TLE3: variants seen among roughly 807,000 people sequenced by gnomAD.
TLE3 encodes the protein transducin-like enhancer protein 3.
A neutral mutation model predicts 93.0 loss-of-function variants in TLE3; 14 were observed. The ratio of observed to expected loss-of-function variants is 0.15; its 90% confidence interval spans 0.10 to 0.24. TLE3 has a LOEUF of 0.24. TLE3 is among the 10% of genes least tolerant of loss of function. The pLI is 1.00. For missense variants in TLE3, 693 were observed against 1,046.6 expected (o/e 0.66, Z 4.66); for synonymous variants, 451 against 425.0 (o/e 1.06, Z -0.75).
At chr15:70,054,383 G>A in intron 16 of TLE3, 55 bp downstream of exon 16, 1 of 1,573,276 alleles carries the variant, frequency 6.4e-7, no homozygotes, top group Non-Finnish European at 8.6e-7. Context: ...GACCAGGCAG[G>A]ATGGGTAAAA....
intron 5 of TLE3, 38 bp from the exon 6 acceptor site, chr15:70,074,645 T>G: frequency 6.4e-7 from 1 of 1,563,678 alleles, no homozygotes; most frequent in Non-Finnish European, 8.7e-7. Flanking sequence ...GCAGCCACTT[T>G]CCTGGACAGA....
In TLE3 at chr15:70,049,434, A is replaced by C. The variant is rs2055327124; in HGVS notation, c.*663T>G. On this transcript the variant is annotated 3_prime_UTR_variant, in exon 20 of 20. Coordinates refer to ENST00000451782, the MANE Select transcript of TLE3 (RefSeq NM_001105192.3). ...TACGGCCAACCTGGTTGCCTTTTCC[A>C]CACTCTAAGACTTTTCTCCTCTTTC... 6.7e-6 allele frequency: 1 copy of C among 149,734 alleles called. No individual in the cohort carries two copies. The highest frequency in any genetic ancestry group is 1.5e-5 in the Non-Finnish European group (1 of 67,808). 9.3% of individuals were successfully genotyped at this position (149,734 alleles called of 1,614,324 possible). A position where few individuals can be genotyped will look rare whatever the true frequency, so the allele number is the denominator to read the frequency against.
In TLE3 at chr15:70,081,164, T is replaced by C. The variant is rs560414202; in HGVS notation, c.235-5006A>G. Among the ~76,000 whole-genome samples the C allele has an allele frequency of 2.6e-5, 4 of 152,342 alleles. No individual in the cohort carries two copies. In the South Asian group the frequency reaches 8.3e-4, roughly 32 times the overall value. On this transcript the variant is annotated intron_variant, in intron 4 of 19. Transcript: ENST00000451782. Reference sequence around the variant, plus strand: ...AGTTGTGTGGCTTTGGGCAAATCACTTCCCTTCTCTAGGCATTAATTTCGT... The same window carrying C: ...AGTTGTGTGGCTTTGGGCAAATCACCTCCCTTCTCTAGGCATTAATTTCGT...
chr15:70,075,984 T>C (rs765370457), intron 5 of TLE3, 112 bp downstream of exon 5: 31 of 990,278 alleles, frequency 3.1e-5, no homozygotes, highest in Non-Finnish European at 4.4e-5. Flanking sequence ...TCAGTATGAA[T>C]GGACAGGGGC....
At chr15:70,079,252 G>T (rs944711544) in intron 4 of TLE3, 5 of 399,012 alleles carry the variant, frequency 1.3e-5, no homozygotes, top group African/African-American at 1.1e-4. Context: ...CCTTCCACAA[G>T]CCTGGGGTAG....
chr15:70,050,933 C>T (rs1217377558), intron 19 of TLE3: 2 of 161,656 alleles, frequency 1.2e-5, no homozygotes, highest in East Asian at 3.7e-4. Flanking sequence ...TAAAAAGCCT[C>T]TTCCTTTCCT....
intron 4 of TLE3, among the ~76,000 whole-genome samples, chr15:70,086,483 C>T (rs1314718131): frequency 6.6e-6 from 1 of 152,194 alleles, no homozygotes; most frequent in African/African-American, 2.4e-5. Flanking sequence ...CTCAAGTCTT[C>T]ATGGCTGACC....
chr15:70,059,385 C>A, intron 10 of TLE3, 25 bp downstream of exon 10: 1 of 1,603,062 alleles, frequency 6.2e-7, no homozygotes, highest in Non-Finnish European at 8.5e-7. Context: ...ACCAAGAGCC[C>A]CCTTGCGACC....
At position 70,058,150 on chromosome 15, in the gene TLE3, C is replaced by T. The variant is rs758270473; in HGVS notation, c.1051+9G>A. 1 of 1,613,970 alleles carries T rather than the reference C, an allele frequency of 6.2e-7. No homozygotes were observed. Among genetic ancestry groups the T allele is most frequent in the South Asian group, 1.1e-5 (1 of 91,074 alleles). On this transcript the variant is annotated intron_variant, in intron 12 of 19. Coordinates refer to ENST00000451782, the MANE Select transcript of TLE3 (RefSeq NM_001105192.3). This position sits in a 1 kb window ranked among gnomAD's most constrained non-coding sequence, Gnocchi z 4.1. ...GATTAACCCAGCCCATGGTGCCTAC[C>T]CATTATACCTATCGGGTCCATGCCC...
chr15:70,051,346 A>C lies in TLE3; in HGVS notation c.2202+45T>G, dbSNP rs994169947. On this transcript the variant is annotated intron_variant, in intron 19 of 19. Transcript: ENST00000451782. Reference sequence around the variant, plus strand: ...ACTCCCATCACCATCACCAAGTTTCAACTCTGGGTAGAACCCAGAGGAGGA... The same window carrying C: ...ACTCCCATCACCATCACCAAGTTTCCACTCTGGGTAGAACCCAGAGGAGGA... 1.2e-5 allele frequency: 19 copies of C among 1,540,112 alleles called. No homozygotes were observed. In the Admixed American group the frequency reaches 3.1e-4, roughly 25 times the overall value.
intron 4 of TLE3, among the ~76,000 whole-genome samples, chr15:70,078,960 GC>G (rs920700196): frequency 2.6e-5 from 4 of 152,142 alleles, no homozygotes; most frequent in Admixed American, 1.3e-4. Context: ...AGCTGACCTT[GC>G]CCTTCCCCAC....
chr15:70,081,900 G>A (rs2057797858), intron 4 of TLE3, among the ~76,000 whole-genome samples: 1 of 152,228 alleles, frequency 6.6e-6, no homozygotes, highest in African/African-American at 2.4e-5. Flanking sequence ...TACTCCTCTA[G>A]AAAATGTGTG....
chr15:70,088,070 C>T (rs138538689), intron 4 of TLE3, among the ~76,000 whole-genome samples: 1 of 152,312 alleles, frequency 6.6e-6, no homozygotes, highest in Non-Finnish European at 1.5e-5. Context: ...CTCTCCAACA[C>T]GGTGACCCCT....
chr15:70,054,114 T>C (rs1471378033), intron 16 of TLE3: 2 of 237,706 alleles, frequency 8.4e-6, no homozygotes, highest in Non-Finnish European at 1.6e-5. Flanking sequence ...GGCTTCCCAG[T>C]CGGGTCTCCC....
Position 70,058,502 on chromosome 15 carries a change from C to T in TLE3, c.918+161G>A, listed in dbSNP as rs1259002882. ...AGACGTAGCAACCGAGGCTCAGAAA[C>T]GTTAACTCATTAGCACAGGCCCAGC... On this transcript the variant is annotated intron_variant, in intron 11 of 19. Coordinates refer to ENST00000451782, the MANE Select transcript of TLE3 (RefSeq NM_001105192.3). The surrounding 1 kb of genome is among the most constrained non-coding windows in gnomAD (Gnocchi z 4.1). 8 of 1,293,860 alleles carry T rather than the reference C, an allele frequency of 6.2e-6. No homozygotes were observed. Among genetic ancestry groups the T allele is most frequent in the African/African-American group, 1.5e-5 (1 of 66,604 alleles). The allele number at this position is 1,293,860 out of a possible 1,614,324, so 80.1% of individuals were successfully genotyped here.
chr15:70,082,216 T>C (rs2057812676), intron 4 of TLE3, among the ~76,000 whole-genome samples: 1 of 152,206 alleles, frequency 6.6e-6, no homozygotes, highest in South Asian at 2.1e-4. Context: ...AGCCTCTCAA[T>C]GATGTGACTA....
chr15:70,069,406 C>G (rs911308295), intron 6 of TLE3, among the ~76,000 whole-genome samples: 1 of 152,194 alleles, frequency 6.6e-6, no homozygotes, highest in African/African-American at 2.4e-5. Flanking sequence ...AAGGCAGCAG[C>G]GGCTGTTTGG....
chr15:70,067,718 C>T (rs2056899197), intron 6 of TLE3, among the ~76,000 whole-genome samples: 1 of 152,326 alleles, frequency 6.6e-6, no homozygotes, highest in Middle Eastern at 3.4e-3. Flanking sequence ...GGATAAAGGG[C>T]CCTACTCTCC....
intron 17 of TLE3, 173 bp from the exon 18 acceptor site, chr15:70,052,697 G>C (rs2055657198): frequency 1.8e-6 from 1 of 556,466 alleles, no homozygotes; most frequent in Non-Finnish European, 2.9e-6. Context: ...AGGTGAGAAA[G>C]CACAGACATT....
Sources: gnomAD v4.1 joint callset for allele counts (sites outside exome capture counted in the v4.1 genomes callset) on GRCh38, gnomAD v4.1.1 for gene constraint, Gnocchi (gnomAD v3.1) non-coding constraint, MANE v1.5 for transcripts, NCBI Gene and HGNC (gene_info 2026-07-23, HGNC 2026-07-21) for gene names.